Variants in ALOX12 observed in about 807,000 individuals in gnomAD.
The protein encoded by ALOX12 is arachidonate 12-lipoxygenase, 12S type.
A neutral mutation model predicts 85.5 loss-of-function variants in ALOX12; 62 were observed. That is an observed-to-expected ratio of 0.73 (90% CI 0.59 to 0.90). The LOEUF (loss-of-function observed/expected upper bound fraction) is 0.90, where lower values mean the gene tolerates loss of function less well. Ranked by LOEUF, ALOX12 falls within the 40% of genes least tolerant of loss-of-function variation. The pLI, the probability that ALOX12 is intolerant of heterozygous loss-of-function variation, is 0.00. For synonymous variants in ALOX12, 299 were observed against 332.7 expected, an observed-to-expected ratio of 0.90 and a Z score of 1.10; for missense variants, 751 against 856.5, an observed-to-expected ratio of 0.88 and a Z score of 1.54.
At chr17:7,006,060 C>G (rs3934010) in intron 10 of ALOX12, 33 bp downstream of exon 10, 75,094 of 91,342 alleles carry the variant, frequency 0.82, 33,620 homozygotes, top group Non-Finnish European at 0.87. Flanking sequence ...ATGGTGGGGC[C>G]GGGGGGGGGG....
At position 7,000,958 on chromosome 17, in the gene ALOX12, T is replaced by G. The variant is rs1318862824; in HGVS notation, c.951+479T>G. ...ATATCTTTTCTCGCAATTTCTTTTT[T>G]TTTTTTGAGACAGAATCTCACTGTG... On this transcript the variant is annotated intron_variant, in intron 7 of 13. Transcript: ENST00000251535. The surrounding 1 kb of genome is among the most constrained non-coding windows in gnomAD (Gnocchi z 4.6). Among the ~76,000 whole-genome samples the G allele has an allele frequency of 1.3e-5, 2 of 151,754 alleles. No homozygotes were observed. Among genetic ancestry groups the G allele is most frequent in the African/African-American group, 2.4e-5 (1 of 41,256 alleles).
chr17:7,010,145 G>A lies in ALOX12; in HGVS notation c.1812+19G>A, dbSNP rs1909313455. 3 of 1,604,464 alleles carry A rather than the reference G, an allele frequency of 1.9e-6. No individual in the cohort carries two copies. The highest frequency in any genetic ancestry group is 2.6e-6 in the Non-Finnish European group (3 of 1,173,924). ...AGACATGGTGAGAGGGGACTCTCGG[G>A]AGAGGGAAATGACAGTTGGAAAGGA... is the stretch of plus-strand genomic sequence containing the variant. On this transcript the variant is annotated intron_variant, in intron 13 of 13. Coordinates refer to ENST00000251535, the MANE Select transcript of ALOX12 (RefSeq NM_000697.3).
rs752697271 is a variant in ALOX12 at position 6,998,741 on chromosome 17, C to T, written c.446C>T (p.Pro149Leu). The part of the protein sequence containing the change: ...YCWATWKEGL[P>L]LTIAADRKDD... ...TGGGCCACCTGGAAGGAAGGGTTAC[C>T]CCTGACCATCGCTGCAGACCGTAAG... Residue 149 changes from proline to leucine, a missense_variant, in exon 4 of 14, where the codon CCC (proline) becomes CTC (leucine). Physicochemically the swap from Pro to Leu is moderately conservative, Grantham distance 98 (BLOSUM62 -3). Coordinates refer to ENST00000251535, the MANE Select transcript of ALOX12 (RefSeq NM_000697.3). 13 of 1,614,112 alleles carry T rather than the reference C, an allele frequency of 8.1e-6. No individual in the cohort carries two copies. The Admixed American group carries it at 2.2e-4, about 27-fold the overall frequency.
Position 7,010,111 on chromosome 17 carries a change from C to T in ALOX12, c.1797C>T (p.Arg599=). The T allele has an allele frequency of 6.2e-7, 1 of 1,612,010 alleles. No homozygotes were observed. The highest frequency in any genetic ancestry group is 8.5e-7 in the Non-Finnish European group (1 of 1,178,686). ...TGGCCATCTCATGGCATCTGAGTCG[C>T]CGCCAGCCAGACATGGTGAGAGGGG... The part of the protein sequence containing the change: ...LQMAISWHLS[R]RQPDMVPLGH... The change falls in exon 13 of 14, where the codon CGC becomes CGT. Residue 599 remains arginine, a synonymous_variant. Coordinates refer to ENST00000251535, the MANE Select transcript of ALOX12 (RefSeq NM_000697.3).
At chr17:6,999,747 T>C (rs1439121578) in intron 6 of ALOX12, among the ~76,000 whole-genome samples, 2 of 152,054 alleles carry the variant, frequency 1.3e-5, no homozygotes, top group East Asian at 1.9e-4. Flanking sequence ...TGGACTCCAG[T>C]GTTCATGGGC....
chr17:7,007,789 G>A (rs1909160229), intron 11 of ALOX12, among the ~76,000 whole-genome samples: 4 of 152,148 alleles, frequency 2.6e-5, no homozygotes, highest in African/African-American at 9.7e-5. Flanking sequence ...GCTGAGGCAG[G>A]AGAATCGCTT....
In ALOX12 at chr17:6,996,859, T is replaced by C; in HGVS notation, c.169T>C (p.Leu57=). Residue 57 remains leucine, a synonymous_variant, in exon 2 of 14, where the codon TTG becomes CTG. Transcript: ENST00000251535. ...GTTTGATCATGACGTTGCAGAGGAC[T>C]TGGGGCTCCTGCAGTTCGTGAGGCT... ...EEFDHDVAED[L]GLLQFVRLRK... is the part of the protein sequence containing the mutation. 2 of 1,613,982 alleles carry C rather than the reference T, an allele frequency of 1.2e-6. No individual in the cohort carries two copies. The highest frequency in any genetic ancestry group is 1.7e-6 in the Non-Finnish European group (2 of 1,179,844).
chr17:7,000,448 C>G lies in ALOX12; in HGVS notation c.920C>G (p.Pro307Arg), dbSNP rs957851272. 3 of 1,614,012 alleles carry G rather than the reference C, an allele frequency of 1.9e-6. No individual in the cohort carries two copies. The highest frequency in any genetic ancestry group is 1.7e-5 in the Admixed American group (1 of 59,998). ...CCCCTCGTTATGCTGAAGATGGAGCCCAATGGGAAGCTGCAGCCCATGGTC... is the reference window on the plus strand; with the variant it reads ...CCCCTCGTTATGCTGAAGATGGAGCGCAATGGGAAGCTGCAGCCCATGGTC... ...AAPLVMLKMEPNGKLQPMVIQ... is the reference protein window; with the variant it reads ...AAPLVMLKMERNGKLQPMVIQ... Residue 307 changes from proline to arginine, a missense_variant, in exon 7 of 14, where the codon CCC becomes CGC. Transcript: ENST00000251535. The surrounding 1 kb of genome is among the most constrained non-coding windows in gnomAD (Gnocchi z 4.6).
rs1028993342 is a variant in ALOX12, at chr17:7,005,806, T to C, written c.1249-52T>C. 4 of 1,572,874 alleles carry C rather than the reference T, an allele frequency of 2.5e-6. No homozygotes were observed. The African/African-American group carries it at 4.0e-5, about 16-fold the overall frequency. On this transcript the variant is annotated intron_variant, in intron 9 of 13. Coordinates refer to ENST00000251535, the MANE Select transcript of ALOX12 (RefSeq NM_000697.3). ...TTTGCCCCACTTTATGGAAGATGTG[T>C]TGGTTCTCCAGCCCTGTTTCCCCCT...
Position 7,006,486 on chromosome 17 carries a change from G to T in ALOX12, c.1419G>T (p.Arg473Ser). 1 of 1,613,658 alleles carries T rather than the reference G, an allele frequency of 6.2e-7. No individual in the cohort carries two copies. Among genetic ancestry groups the T allele is most frequent in the Non-Finnish European group, 8.5e-7 (1 of 1,179,928 alleles). ...TCAAGTGCCTTTTCCCCCTGGGCAG[G>T]TATGTGGAGGGGATCGTCCACCTCT... ...DALRLWEIIA[R>S]YVEGIVHLFY... Residue 473 changes from arginine (R) to serine (S), a missense_variant and splice_region_variant, in exon 11 of 14, where the codon AGG (arginine) becomes AGT (serine). Physicochemically the swap from Arg to Ser is moderately radical, Grantham distance 110. Transcript: ENST00000251535.
chr17:6,996,303 G>A, intron 1 of ALOX12, 51 bp downstream of exon 1: 16 of 1,220,760 alleles, frequency 1.3e-5, no homozygotes, highest in Non-Finnish European at 1.4e-5. Context: ...CCGGGCCCAG[G>A]CCCGGGCCGA....
rs972027302 is a variant in ALOX12 at position 7,000,074 on chromosome 17, T to G, written c.808-262T>G. Among the ~76,000 whole-genome samples, 7 of 152,184 alleles carry G rather than the reference T, an allele frequency of 4.6e-5. No individual in the cohort carries two copies. Among genetic ancestry groups the G allele is most frequent in the African/African-American group, 1.7e-4 (7 of 41,440 alleles). ...TGACAGGTGGTCAGTTTACAATGCC[T>G]GTGATGCCAACTGGATTGAGCAGGC... On this transcript the variant is annotated intron_variant, in intron 6 of 13. Coordinates refer to ENST00000251535, the MANE Select transcript of ALOX12 (RefSeq NM_000697.3). This position sits in a 1 kb window ranked among gnomAD's most constrained non-coding sequence, Gnocchi z 4.6.
At position 7,009,624 on chromosome 17, in the gene ALOX12, G is replaced by A. The variant is rs975909125; in HGVS notation, c.1541-123G>A. On this transcript the variant is annotated intron_variant, in intron 11 of 13. Transcript: ENST00000251535. ...GCCAGGACTTAAACGCATGTCTGAT[G>A]CAAATACGTCTAAATAAAATAAACA... 4.7e-6 allele frequency: 4 copies of A among 859,428 alleles called. No individual in the cohort carries two copies. The South Asian group carries it at 4.7e-5, about 10-fold the overall frequency. 53.2% of individuals were successfully genotyped at this position (859,428 alleles called of 1,614,324 possible).
chr17:7,005,829 C>G, intron 9 of ALOX12, 29 bp from the exon 10 acceptor site: 1 of 1,600,628 alleles, frequency 6.2e-7, no homozygotes, highest in East Asian at 2.2e-5. Flanking sequence ...CCTGTTTCCC[C>G]CTCTAAGACC....
At chr17:7,006,359 T>C in intron 10 of ALOX12, 127 bp from the exon 11 acceptor site, 1 of 1,417,350 alleles carries the variant, frequency 7.1e-7, no homozygotes, top group South Asian at 1.3e-5. Context: ...TTTAGAGGGC[T>C]GAGGATGTCC....
In ALOX12 at chr17:7,000,626, T is replaced by A; in HGVS notation, c.951+147T>A. The A allele has an allele frequency of 1.1e-6, 1 of 874,584 alleles. No homozygotes were observed. The allele number at this position is 874,584 out of a possible 1,614,324, so 54.2% of individuals were successfully genotyped here. On this transcript the variant is annotated intron_variant, in intron 7 of 13. Coordinates refer to ENST00000251535, the MANE Select transcript of ALOX12 (RefSeq NM_000697.3). This position sits in a 1 kb window ranked among gnomAD's most constrained non-coding sequence, Gnocchi z 4.6. ...ATGTCACTATTTGCCTGTACCCTCG[T>A]CTCCCCTGCCTCATCCAACTAGAAT...
chr17:7,005,012 G>C (rs538983182), intron 8 of ALOX12, among the ~76,000 whole-genome samples: 2 of 151,226 alleles, frequency 1.3e-5, no homozygotes, highest in African/African-American at 4.9e-5. Context: ...AGATTAAAAG[G>C]TTATTAACTT....
rs142117156 is a variant in ALOX12, at chr17:7,010,050, G to C, written c.1736G>C (p.Gly579Ala). The change falls in exon 13 of 14, where the codon GGG becomes GCG. Residue 579 changes from glycine to alanine, a missense_variant. Physicochemically the swap from Gly to Ala is moderately conservative, Grantham distance 60. Coordinates refer to ENST00000251535, the MANE Select transcript of ALOX12 (RefSeq NM_000697.3). ...KEDVTMATVM[G>A]SLPDVRQACL... is the part of the protein sequence containing the mutation. ...GATGTGACGATGGCCACAGTGATGGGGTCACTACCTGATGTCCGGCAGGCC... is the reference window on the plus strand; with the variant it reads ...GATGTGACGATGGCCACAGTGATGGCGTCACTACCTGATGTCCGGCAGGCC... The C allele has an allele frequency of 4.2e-5, 67 of 1,614,080 alleles. No individual in the cohort carries two copies. In the African/African-American group the frequency reaches 6.8e-4, roughly 16 times the overall value.
intron 8 of ALOX12, among the ~76,000 whole-genome samples, chr17:7,003,833 T>C (rs1440339398): frequency 3.3e-5 from 5 of 152,246 alleles, no homozygotes; most frequent in Admixed American, 6.5e-5. Context: ...ATGAATCTTC[T>C]GAAAAGCTTC....
Sources: gnomAD v4.1 joint callset for allele counts (sites outside exome capture counted in the v4.1 genomes callset) on GRCh38, gnomAD v4.1.1 for gene constraint, Gnocchi (gnomAD v3.1) non-coding constraint, MANE v1.5 for transcripts, NCBI Gene and HGNC (gene_info 2026-07-23, HGNC 2026-07-21) for gene names.